The following TMEM117 variants were observed in gnomAD, a reference collection of about 807,000 sequenced individuals.
The protein encoded by TMEM117 is transmembrane protein 117.
A neutral mutation model predicts 52.4 loss-of-function variants in TMEM117; 27 were observed. The ratio of observed to expected loss-of-function variants is 0.51; its 90% CI spans 0.38 to 0.71. The LOEUF is 0.71. Ranked by LOEUF, TMEM117 falls within the 30% of genes least tolerant of loss-of-function variation. The pLI is 0.00. For synonymous variants in TMEM117, 215 were observed against 206.3 expected (o/e 1.04, Z -0.36); for missense variants, 556 against 630.5 (o/e 0.88, Z 1.26).
the TMEM117 span, chr12:43,795,860 C>G: frequency 3.6e-6 from 4 of 1,126,168 alleles, no homozygotes; most frequent in Admixed American, 2.3e-5. Context: ...TCCAGTAAGG[C>G]AGAATCAAGG....
chr12:44,337,325 G>A (rs1951354788), intron 6 of TMEM117, among the ~76,000 whole-genome samples: 1 of 151,926 alleles, frequency 6.6e-6, no homozygotes, highest in South Asian at 2.1e-4. Context: ...ATAAGGGATG[G>A]ATTTTATAAT....
chr12:44,375,041 C>G (rs1447926230), intron 6 of TMEM117, among the ~76,000 whole-genome samples: 1 of 151,788 alleles, frequency 6.6e-6, no homozygotes, highest in Non-Finnish European at 1.5e-5. Flanking sequence ...ATTATTATTG[C>G]AAACGTCTTC....
At chr12:44,032,276 T>G (rs897926306) in intron 3 of TMEM117, among the ~76,000 whole-genome samples, 4 of 152,256 alleles carry the variant, frequency 2.6e-5, no homozygotes, top group Admixed American at 2.6e-4. Flanking sequence ...GATTTGTCTT[T>G]AGTAAAGATG....
chr12:44,072,580 C>G (rs191954413), intron 3 of TMEM117, among the ~76,000 whole-genome samples: 30 of 152,242 alleles, frequency 2.0e-4, no homozygotes, highest in African/African-American at 7.2e-4. Flanking sequence ...TCAGGTTAGG[C>G]AGGGCTTTTG....
intron 4 of TMEM117, among the ~76,000 whole-genome samples, chr12:44,206,408 A>T (rs1949567621): frequency 6.6e-6 from 1 of 152,166 alleles, no homozygotes. Flanking sequence ...GATCTTGTTT[A>T]TGGCCAGTTT....
At chr12:44,185,732 G>A (rs116120788) in intron 4 of TMEM117, among the ~76,000 whole-genome samples, 1,748 of 152,194 alleles carry the variant, frequency 0.011, 22 homozygotes, top group South Asian at 0.052. Flanking sequence ...TCTGAATCAA[G>A]TAGATGGTCT....
intron 5 of TMEM117, among the ~76,000 whole-genome samples, chr12:44,254,186 T>C (rs956613549): frequency 2.6e-5 from 4 of 152,058 alleles, no homozygotes; most frequent in African/African-American, 7.2e-5. Flanking sequence ...AAAAGATTTA[T>C]ATATTGAACT....
chr12:43,996,473 C>T (rs938261426), intron 3 of TMEM117, among the ~76,000 whole-genome samples: 2 of 151,956 alleles, frequency 1.3e-5, no homozygotes, highest in Non-Finnish European at 2.9e-5. Context: ...GAAACCCTGT[C>T]TCTACTAAAA....
At position 44,024,533 on chromosome 12, in the gene TMEM117, AAATG is replaced by A. The variant is rs151194549; in HGVS notation, c.410+80194_410+80197del. ...GGGGAAGAAAGCAGGGTATATAACT[AAATG>A]AAAGAAAAGAAAGGAAGAATGGAAG... is the stretch of plus-strand genomic sequence containing the variant. On this transcript the variant is annotated intron_variant, in intron 3 of 7. Coordinates refer to ENST00000266534, the MANE Select transcript of TMEM117 (RefSeq NM_032256.3). 4.3e-3 allele frequency among the ~76,000 whole-genome samples: 648 copies of A among 151,988 alleles called. 13 individuals carry two copies. In the East Asian group the frequency reaches 0.053, roughly 12 times the overall value.
intron 5 of TMEM117, among the ~76,000 whole-genome samples, chr12:44,292,147 C>A (rs888724283): frequency 6.6e-6 from 1 of 151,868 alleles, no homozygotes; most frequent in African/African-American, 2.4e-5. Flanking sequence ...TACTCATGAT[C>A]GGTCTGTTCA....
At chr12:44,040,242 A>C (rs898365589) in intron 3 of TMEM117, among the ~76,000 whole-genome samples, 5 of 152,100 alleles carry the variant, frequency 3.3e-5, no homozygotes, top group African/African-American at 1.2e-4. Context: ...AAAATGTAAT[A>C]ATAATTATTA....
At chr12:44,070,709 G>A (rs916151525) in intron 3 of TMEM117, among the ~76,000 whole-genome samples, 5 of 152,200 alleles carry the variant, frequency 3.3e-5, no homozygotes, top group African/African-American at 9.6e-5. Context: ...TAACACAGAT[G>A]TCACTAACTC....
At chr12:44,080,758 C>T (rs1947468926) in intron 3 of TMEM117, among the ~76,000 whole-genome samples, 1 of 152,070 alleles carries the variant, frequency 6.6e-6, no homozygotes, top group African/African-American at 2.4e-5. Context: ...ATTTCAGTTT[C>T]CTTAAGTAAA....
At chr12:44,271,072 G>A (rs1950439888) in intron 5 of TMEM117, among the ~76,000 whole-genome samples, 1 of 151,974 alleles carries the variant, frequency 6.6e-6, no homozygotes, top group Non-Finnish European at 1.5e-5. Context: ...TGGTTAGCTA[G>A]TATTTTGTTG....
rs984218786 is a variant in TMEM117, at chr12:43,931,160, A to G, written c.278-13050A>G. On this transcript the variant is annotated intron_variant, in intron 2 of 7. Coordinates refer to ENST00000266534, the MANE Select transcript of TMEM117 (RefSeq NM_032256.3). Reference sequence around the variant, plus strand: ...GAATAGTTTGTGTCCCTACAAGGCAAAAACACAAAACCTTGTCATTTATTT... The same window carrying G: ...GAATAGTTTGTGTCCCTACAAGGCAGAAACACAAAACCTTGTCATTTATTT... Among the ~76,000 whole-genome samples, 3 of 152,366 alleles carry G rather than the reference A, an allele frequency of 2.0e-5. No individual in the cohort carries two copies. In the South Asian group the frequency reaches 6.2e-4, roughly 32 times the overall value.
chr12:44,137,177 A>G (rs1356500662), intron 3 of TMEM117, among the ~76,000 whole-genome samples: 1 of 152,090 alleles, frequency 6.6e-6, no homozygotes, highest in Non-Finnish European at 1.5e-5. Flanking sequence ...TAAGAAAATC[A>G]TTAAAATACT....
intron 2 of TMEM117, among the ~76,000 whole-genome samples, chr12:43,848,431 A>C (rs1187415335): frequency 6.6e-6 from 1 of 152,090 alleles, no homozygotes; most frequent in African/African-American, 2.4e-5. Context: ...TTCTTTTCCC[A>C]GGGTATTAAT....
chr12:43,806,147 G>T, the TMEM117 span: 6 of 1,531,772 alleles, frequency 3.9e-6, no homozygotes, highest in Non-Finnish European at 3.5e-6. Context: ...CAGCCCTGCC[G>T]GTCCTGCAGC....
chr12:44,358,376 G>A (rs1527320), intron 6 of TMEM117, among the ~76,000 whole-genome samples: 84,818 of 151,942 alleles, frequency 0.56, 24,174 homozygotes, highest in East Asian at 0.9. Flanking sequence ...AAATAAAGAA[G>A]TAGCAAGTAT....
Sources: gnomAD v4.1 joint callset for allele counts (sites outside exome capture counted in the v4.1 genomes callset) on GRCh38, gnomAD v4.1.1 for gene constraint, MANE v1.5 for transcripts, NCBI Gene and HGNC (gene_info 2026-07-23, HGNC 2026-07-21) for gene names.